Variants in DPP10 observed in about 807,000 individuals in gnomAD.
DPP10 encodes inactive dipeptidyl peptidase 10.
A neutral mutation model predicts 120.9 loss-of-function variants in DPP10; 33 were observed. That is an observed-to-expected ratio of 0.27 (90% CI 0.21 to 0.37). DPP10 has a LOEUF of 0.37. Among genes scored for constraint, DPP10 ranks in the 10% least tolerant of loss-of-function variants. The probability of loss-of-function intolerance (pLI) is 1.00; values close to 1 mark genes in which losing one functional copy is unlikely to be tolerated. For synonymous variants in DPP10, 337 were observed against 326.1 expected (o/e 1.03, Z -0.36); for missense variants, 816 against 942.8 (o/e 0.87, Z 1.76).
At chr2:115,173,397 G>T (rs2053491191) in intron 1 of DPP10, among the ~76,000 whole-genome samples, 1 of 152,132 alleles carries the variant, frequency 6.6e-6, no homozygotes, top group African/African-American at 2.4e-5. Context: ...TTGAAGATGT[G>T]CAGCATAACA....
At chr2:114,462,763 G>A (rs961155908) in intron 1 of DPP10, among the ~76,000 whole-genome samples, 2 of 152,082 alleles carry the variant, frequency 1.3e-5, no homozygotes, top group Non-Finnish European at 2.9e-5. Context: ...ACCCTTACGT[G>A]GTGGGGAATT....
intron 7 of DPP10, among the ~76,000 whole-genome samples, chr2:115,714,405 C>A (rs1423824649): frequency 6.6e-6 from 1 of 152,166 alleles, no homozygotes; most frequent in Non-Finnish European, 1.5e-5. Context: ...GACTCTTTAT[C>A]CATCATTGTA....
intron 1 of DPP10, among the ~76,000 whole-genome samples, chr2:115,286,186 A>G (rs937426885): frequency 6.6e-6 from 1 of 151,724 alleles, no homozygotes; most frequent in Non-Finnish European, 1.5e-5. Context: ...GTATGCAAAC[A>G]TCATTAAAGT....
intron 5 of DPP10, among the ~76,000 whole-genome samples, chr2:115,572,475 A>G (rs2081391753): frequency 6.6e-6 from 1 of 152,208 alleles, no homozygotes; most frequent in South Asian, 2.1e-4. Flanking sequence ...ATGTACATAC[A>G]TGTATATATG....
chr2:115,017,878 AG>A (rs1318621049), intron 1 of DPP10, among the ~76,000 whole-genome samples: 1 of 152,050 alleles, frequency 6.6e-6, no homozygotes, highest in African/African-American at 2.4e-5. Context: ...GGGGAGGGAT[AG>A]CATTAGGAGA....
intron 1 of DPP10, among the ~76,000 whole-genome samples, chr2:115,275,147 G>A (rs571058223): frequency 6.6e-6 from 1 of 152,220 alleles, no homozygotes; most frequent in South Asian, 2.1e-4. Context: ...TTTCATGCAG[G>A]GCATTTCACA....
intron 5 of DPP10, among the ~76,000 whole-genome samples, chr2:115,602,034 T>G (rs1000548738): frequency 6.6e-6 from 1 of 152,218 alleles, no homozygotes; most frequent in African/African-American, 2.4e-5. Context: ...GTTTCTTTAA[T>G]TGTAAAACTA....
At chr2:115,822,649 C>T (rs1236297414) in intron 21 of DPP10, among the ~76,000 whole-genome samples, 2 of 151,796 alleles carry the variant, frequency 1.3e-5, no homozygotes, top group African/African-American at 4.8e-5. Context: ...GATATTTTTT[C>T]ATTAACCATG....
chr2:114,714,933 C>T (rs1288324410), intron 1 of DPP10, among the ~76,000 whole-genome samples: 1 of 151,996 alleles, frequency 6.6e-6, no homozygotes, highest in African/African-American at 2.4e-5. Context: ...AACATTGATC[C>T]TGTTTCATAA....
intron 21 of DPP10, 109 bp downstream of exon 21, chr2:115,815,838 C>G: frequency 9.0e-7 from 1 of 1,110,990 alleles, no homozygotes; most frequent in Non-Finnish European, 1.3e-6. Flanking sequence ...TCCATATTGA[C>G]TGGGATTCCA....
chr2:115,377,122 G>T (rs1023149175), intron 3 of DPP10, among the ~76,000 whole-genome samples: 5 of 152,116 alleles, frequency 3.3e-5, no homozygotes, highest in Non-Finnish European at 7.4e-5. Context: ...TGGAGGAGTC[G>T]CCACACTGAC....
intron 1 of DPP10, among the ~76,000 whole-genome samples, chr2:115,139,951 C>A (rs575684851): frequency 8.7e-4 from 132 of 151,930 alleles, no homozygotes; most frequent in Non-Finnish European, 1.7e-3. Flanking sequence ...CATTCATGTA[C>A]CATGACAGAC....
chr2:114,653,537 C>A (rs978563052), intron 1 of DPP10, among the ~76,000 whole-genome samples: 1 of 152,070 alleles, frequency 6.6e-6, no homozygotes, highest in African/African-American at 2.4e-5. Flanking sequence ...GGAGGTGGGG[C>A]ACAGAAAAAG....
At chr2:114,499,350 C>T (rs1034521021) in intron 1 of DPP10, among the ~76,000 whole-genome samples, 3 of 151,680 alleles carry the variant, frequency 2.0e-5, no homozygotes, top group Admixed American at 2.0e-4. Context: ...ATGCATTTTT[C>T]TCCCTTCCTC....
At chr2:115,275,050 T>G (rs2059855154) in intron 1 of DPP10, among the ~76,000 whole-genome samples, 1 of 152,172 alleles carries the variant, frequency 6.6e-6, no homozygotes, top group Non-Finnish European at 1.5e-5. Context: ...AGGTCAATGA[T>G]TTAAACCAGC....
At chr2:115,093,743 C>T (rs1013699135) in intron 1 of DPP10, among the ~76,000 whole-genome samples, 2 of 151,918 alleles carry the variant, frequency 1.3e-5, no homozygotes, top group African/African-American at 2.4e-5. Context: ...CACACATAAA[C>T]TTTAAGAAAA....
chr2:115,455,481 G>A (rs879462066), intron 3 of DPP10, among the ~76,000 whole-genome samples: 2 of 151,978 alleles, frequency 1.3e-5, no homozygotes, highest in African/African-American at 2.4e-5. Context: ...AATTTCATAT[G>A]GAACCAAAAA....
intron 1 of DPP10, among the ~76,000 whole-genome samples, chr2:114,834,317 CCATGTCTACACACCTATGTATATAAAAGA>C (rs1558790225): frequency 2.7e-5 from 4 of 149,664 alleles, no homozygotes; most frequent in Non-Finnish European, 4.4e-5. Context: ...TATATATAAG[CCATGTCTACACACCTATGTATATAAAAGA>C]CATGTCTACA....
At chr2:114,556,544 TACAGTATGCAA>T (rs2104910923) in intron 1 of DPP10, among the ~76,000 whole-genome samples, 1 of 152,136 alleles carries the variant, frequency 6.6e-6, no homozygotes, top group South Asian at 2.1e-4. Context: ...TTTGACTTTA[TACAGTATGCAA>T]ATGAGGATGT....
Sources: gnomAD v4.1 joint callset for allele counts (sites outside exome capture counted in the v4.1 genomes callset) on GRCh38, gnomAD v4.1.1 for gene constraint, MANE v1.5 for transcripts, NCBI Gene and HGNC (gene_info 2026-07-23, HGNC 2026-07-21) for gene names.